Variants in DENND1B observed in about 807,000 individuals in gnomAD.
DENND1B encodes DENN domain-containing protein 1B.
A neutral mutation model predicts 90.1 loss-of-function variants in DENND1B; 59 were observed. That is an observed-to-expected ratio of 0.65 (90% confidence interval 0.53 to 0.81). DENND1B has a LOEUF of 0.81. Ranked by LOEUF, DENND1B falls within the 40% of genes least tolerant of loss-of-function variation. The probability of loss-of-function intolerance (pLI) is 0.00; values close to 1 mark genes in which losing one functional copy is unlikely to be tolerated. For missense variants in DENND1B, 862 were observed against 912.6 expected, an observed-to-expected ratio of 0.94 and a Z score of 0.71; for synonymous variants, 337 against 324.6, an observed-to-expected ratio of 1.04 and a Z score of -0.41.
chr1:197,623,886 C>T (rs1156585600), intron 10 of DENND1B, among the ~76,000 whole-genome samples: 3 of 151,400 alleles, frequency 2.0e-5, no homozygotes, highest in Non-Finnish European at 4.4e-5. Context: ...AATATGTATA[C>T]AATCTATATA....
chr1:197,657,618 A>AC (rs1653978095), intron 6 of DENND1B, among the ~76,000 whole-genome samples: 1 of 152,176 alleles, frequency 6.6e-6, no homozygotes, highest in Non-Finnish European at 1.5e-5. Flanking sequence ...GGGAAACGGA[A>AC]CCCTTGTACA....
At chr1:197,602,961 A>G (rs1676339552) in intron 13 of DENND1B, among the ~76,000 whole-genome samples, 1 of 151,284 alleles carries the variant, frequency 6.6e-6, no homozygotes, top group South Asian at 2.1e-4. Context: ...TGATTCCTGA[A>G]AGCTTCACCA....
At chr1:197,538,450 A>G (rs548782933) in intron 20 of DENND1B, among the ~76,000 whole-genome samples, 1 of 152,290 alleles carries the variant, frequency 6.6e-6, no homozygotes, top group African/African-American at 2.4e-5. Flanking sequence ...AGAACAGACA[A>G]TCAGTACTGA....
At chr1:197,657,213 G>A (rs767668027) in intron 6 of DENND1B, among the ~76,000 whole-genome samples, 2 of 152,128 alleles carry the variant, frequency 1.3e-5, no homozygotes, top group Admixed American at 6.6e-5. Context: ...GGACTCTTAC[G>A]ATTCAACAAC....
chr1:197,718,049 A>G (rs898437880), intron 2 of DENND1B, among the ~76,000 whole-genome samples: 2 of 152,164 alleles, frequency 1.3e-5, no homozygotes, highest in South Asian at 4.1e-4. Flanking sequence ...AATATGTATG[A>G]AGAAATTGAG....
chr1:197,560,029 T>C (rs1178907398), intron 15 of DENND1B, among the ~76,000 whole-genome samples: 1 of 151,900 alleles, frequency 6.6e-6, no homozygotes, highest in Non-Finnish European at 1.5e-5. Context: ...TAGACTACCA[T>C]GGTATCATGA....
intron 2 of DENND1B, among the ~76,000 whole-genome samples, chr1:197,770,844 A>ATATAAATATATATG (rs1558504186): frequency 6.3e-5 from 6 of 95,336 alleles, no homozygotes; most frequent in African/African-American, 1.0e-4. Context: ...ATAAATATAT[A>ATATAAATATATATG]TAAATATATA....
chr1:197,713,734 T>C (rs1245698270), intron 3 of DENND1B, among the ~76,000 whole-genome samples: 1 of 75,798 alleles, frequency 1.3e-5, no homozygotes. Context: ...TAGAGTATAA[T>C]AAAAAAAAAA....
At chr1:197,740,518 T>C (rs913292324) in intron 2 of DENND1B, among the ~76,000 whole-genome samples, 2 of 152,180 alleles carry the variant, frequency 1.3e-5, no homozygotes, top group Non-Finnish European at 2.9e-5. Context: ...AAATTTCTAT[T>C]ACTGTATCGA....
At chr1:197,741,146 GA>G (rs1248788779) in intron 2 of DENND1B, among the ~76,000 whole-genome samples, 1 of 152,152 alleles carries the variant, frequency 6.6e-6, no homozygotes, top group Non-Finnish European at 1.5e-5. Context: ...CCTCTATGTT[GA>G]TAAAGCTTGC....
At chr1:197,602,870 T>C (rs1390807636) in intron 13 of DENND1B, among the ~76,000 whole-genome samples, 1 of 151,530 alleles carries the variant, frequency 6.6e-6, no homozygotes, top group Admixed American at 6.6e-5. Context: ...TTACATGCTC[T>C]TAATGATTTT....
chr1:197,572,811 C>A (rs1372346141), intron 15 of DENND1B, among the ~76,000 whole-genome samples: 4 of 152,268 alleles, frequency 2.6e-5, no homozygotes, highest in Non-Finnish European at 5.9e-5. Context: ...CTCCAACCGA[C>A]CTGCAGCTGA....
chr1:197,659,783 T>G (rs1654223542), intron 5 of DENND1B, among the ~76,000 whole-genome samples: 1 of 151,970 alleles, frequency 6.6e-6, no homozygotes, highest in Non-Finnish European at 1.5e-5. Flanking sequence ...GATTTAACAG[T>G]ATCTCAAAGA....
At chr1:197,648,469 C>T (rs1680929191) in intron 7 of DENND1B, among the ~76,000 whole-genome samples, 1 of 151,930 alleles carries the variant, frequency 6.6e-6, no homozygotes, top group African/African-American at 2.4e-5. Flanking sequence ...TATTTATTTA[C>T]CCCTGAGCAA....
At chr1:197,753,883 C>T (rs1021279678) in intron 2 of DENND1B, among the ~76,000 whole-genome samples, 6 of 151,886 alleles carry the variant, frequency 4.0e-5, no homozygotes, top group African/African-American at 7.3e-5. Flanking sequence ...ATCTGTAGTC[C>T]CAGCTACTCA....
chr1:197,640,432 C>T lies in DENND1B; in HGVS notation c.672+2279G>A, dbSNP rs558148173. Among the ~76,000 whole-genome samples the T allele has an allele frequency of 3.3e-5, 5 of 150,144 alleles. No individual in the cohort carries two copies. The South Asian group carries it at 1.1e-3, about 32-fold the overall frequency. On this transcript the variant is annotated intron_variant, in intron 10 of 22. Coordinates refer to ENST00000620048, the MANE Select transcript of DENND1B (RefSeq NM_001195215.2). ...AGGTTAGAGTGAGCCAAGATTGTAC[C>T]ACTGCACTCTAGCCTGGGCAACAAA...
At chr1:197,713,767 T>C (rs866134530) in intron 3 of DENND1B, among the ~76,000 whole-genome samples, 1 of 28,300 alleles carries the variant, frequency 3.5e-5, no homozygotes, top group Non-Finnish European at 5.4e-5. Flanking sequence ...AATAATTATA[T>C]TATATTATTA....
At chr1:197,752,673 A>C (rs1264278806) in intron 2 of DENND1B, among the ~76,000 whole-genome samples, 1 of 151,944 alleles carries the variant, frequency 6.6e-6, no homozygotes, top group Non-Finnish European at 1.5e-5. Flanking sequence ...TTTAAGTTCT[A>C]GGGTACATGT....
intron 11 of DENND1B, among the ~76,000 whole-genome samples, chr1:197,614,264 T>C (rs1677442306): frequency 6.6e-6 from 1 of 151,050 alleles, no homozygotes; most frequent in African/African-American, 2.4e-5. Flanking sequence ...TTCTCACCAA[T>C]TTCTCACAAA....
Sources: allele counts gnomAD v4.1 joint callset (sites outside exome capture counted in the v4.1 genomes callset), GRCh38; gene constraint gnomAD v4.1.1; transcripts MANE v1.5; gene names NCBI Gene and HGNC (gene_info 2026-07-23, HGNC 2026-07-21).